Variants in IGSF23 observed in about 807,000 individuals in gnomAD.
IGSF23 encodes immunoglobulin superfamily member 23.
Under a neutral mutation model 17.8 loss-of-function variants are expected in IGSF23, and 14 were observed. The ratio of observed to expected loss-of-function variants is 0.79; its 90% CI spans 0.52 to 1.23. The LOEUF is 1.23. Ranked by LOEUF, IGSF23 falls within the 50% of genes most tolerant of loss-of-function variation. The pLI is 0.00. For missense variants in IGSF23, 214 were observed against 241.7 expected, an observed-to-expected ratio of 0.89 and a Z score of 0.76; for synonymous variants, 85 against 92.5, an observed-to-expected ratio of 0.92 and a Z score of 0.46.
chr19:44,634,369 T>C (rs1039609730), intron 3 of IGSF23, among the ~76,000 whole-genome samples: 41 of 152,260 alleles, frequency 2.7e-4, no homozygotes, highest in Non-Finnish European at 5.3e-4. Context: ...GACTTGCTGA[T>C]TATTTCTACA....
At chr19:44,617,941 A>G (rs940621914) in intron 1 of IGSF23, 16 of 363,760 alleles carry the variant, frequency 4.4e-5, no homozygotes, top group Non-Finnish European at 8.3e-5. Context: ...CAGAGAAGTC[A>G]GCCTTTCAGG....
At position 44,635,405 on chromosome 19, in the gene IGSF23, G is replaced by C. The variant is rs1393633827; in HGVS notation, c.550G>C (p.Asp184His). The change falls in exon 4 of 5, where the codon GAC (aspartate) becomes CAC (histidine). Residue 184 changes from aspartate to histidine, a missense_variant. Transcript: ENST00000402988. ...CFIIIQSLRT[D>H]RQRIGICS ...CTCTCTCTCTCTCCACTGCAGGACT[G>C]ACAGGCAGAGAATAGGAATATGCAG... 2 of 1,546,304 alleles carry C rather than the reference G, an allele frequency of 1.3e-6. No individual in the cohort carries two copies. Among genetic ancestry groups the C allele is most frequent in the Non-Finnish European group, 1.7e-6 (2 of 1,144,510 alleles).
intron 1 of IGSF23, among the ~76,000 whole-genome samples, chr19:44,616,548 T>C (rs1972380233): frequency 6.6e-6 from 1 of 151,622 alleles, no homozygotes; most frequent in South Asian, 2.1e-4. Context: ...TACAAAAAAA[T>C]TAGCTGGGCG....
intron 2 of IGSF23, among the ~76,000 whole-genome samples, chr19:44,624,287 CTTCT>C (rs1439627708): frequency 6.8e-6 from 1 of 147,270 alleles, no homozygotes; most frequent in African/African-American, 2.5e-5. Flanking sequence ...ACTTCTTCTT[CTTCT>C]TTTTTTTTTT....
intron 3 of IGSF23, among the ~76,000 whole-genome samples, chr19:44,629,707 C>A (rs1972727633): frequency 1.4e-5 from 2 of 143,646 alleles, no homozygotes; most frequent in African/African-American, 5.2e-5. Flanking sequence ...AATCTCGGCT[C>A]ACTGCAACCT....
At chr19:44,634,559 C>G (rs1023938032) in intron 3 of IGSF23, among the ~76,000 whole-genome samples, 12 of 152,166 alleles carry the variant, frequency 7.9e-5, no homozygotes, top group African/African-American at 2.9e-4. Context: ...GAACTGACAG[C>G]AGTCGCTCCA....
At chr19:44,623,129 G>A (rs1972557727) in intron 1 of IGSF23, among the ~76,000 whole-genome samples, 2 of 152,192 alleles carry the variant, frequency 1.3e-5, no homozygotes, top group Admixed American at 6.5e-5. Flanking sequence ...GAGCCTTAGA[G>A]TCCTAGATTT....
In IGSF23 at chr19:44,627,508, G is replaced by C; in HGVS notation, c.480G>C (p.Ala160=). The C allele has an allele frequency of 1.0e-5, 16 of 1,550,494 alleles. No individual in the cohort carries two copies. Among genetic ancestry groups the C allele is most frequent in the Non-Finnish European group, 1.4e-5 (16 of 1,146,958 alleles). Residue 160 remains alanine (A), a synonymous_variant, in exon 3 of 5, where the codon GCG becomes GCC. Coordinates refer to ENST00000402988, the MANE Select transcript of IGSF23 (RefSeq NM_001205280.2). The part of the protein sequence containing the change: ...LSGGSAIGLL[A]AGILGAGALI... ...GAGGCTCTGCCATCGGGCTCCTTGC[G>C]GCTGGGATCCTGGGAGCCGGGGCAC... is the stretch of plus-strand genomic sequence containing the variant.
intron 1 of IGSF23, among the ~76,000 whole-genome samples, chr19:44,622,518 G>A (rs1164288926): frequency 3.3e-5 from 5 of 152,074 alleles, no homozygotes; most frequent in Admixed American, 2.0e-4. Flanking sequence ...ATGCAGACAA[G>A]AAGTGGGGAC....
intron 1 of IGSF23, among the ~76,000 whole-genome samples, chr19:44,618,362 G>T (rs934126656): frequency 2.6e-5 from 4 of 152,096 alleles, no homozygotes; most frequent in African/African-American, 7.2e-5. Context: ...CTACACCGTC[G>T]TGCTGGAAAC....
At chr19:44,623,632 G>A in intron 1 of IGSF23, 75 bp from the exon 2 acceptor site, 1 of 1,358,624 alleles carries the variant, frequency 7.4e-7, no homozygotes. Context: ...ATGTCTCTAT[G>A]GTGGGCAGAA....
At chr19:44,627,653 A>G (rs1972683376) in intron 3 of IGSF23, 80 bp downstream of exon 3, 2 of 1,437,558 alleles carry the variant, frequency 1.4e-6, no homozygotes, top group Admixed American at 4.6e-5. Context: ...CAACAAGGAA[A>G]CAGAGATGAA....
intron 2 of IGSF23, among the ~76,000 whole-genome samples, chr19:44,625,574 T>C (rs897581066): frequency 6.6e-6 from 1 of 152,152 alleles, no homozygotes; most frequent in Non-Finnish European, 1.5e-5. Context: ...CCTATATACC[T>C]CTTCAGGGTT....
rs1880771017 is a variant in IGSF23, at chr19:44,623,797, G to A, written c.216G>A (p.Val72=). 6.4e-7 allele frequency: 1 copy of A among 1,550,842 alleles called. No individual in the cohort carries two copies. The highest frequency in any genetic ancestry group is 2.0e-5 in the Admixed American group (1 of 50,980). ...ELNYSVILQW[V]VTMDPEPVLS... is the part of the protein sequence containing the mutation. ...ACTATTCTGTGATCCTGCAGTGGGT[G>A]GTGACAATGGACCCTGAGCCTGTGC... The change falls in exon 2 of 5, where the codon GTG becomes GTA. Residue 72 remains valine, a synonymous_variant. Coordinates refer to ENST00000402988, the MANE Select transcript of IGSF23 (RefSeq NM_001205280.2).
At chr19:44,623,372 A>G (rs1568487134) in intron 1 of IGSF23, among the ~76,000 whole-genome samples, 1 of 152,222 alleles carries the variant, frequency 6.6e-6, no homozygotes, top group Non-Finnish European at 1.5e-5. Flanking sequence ...GGGAATTTAT[A>G]TACCAACGTG....
chr19:44,617,249 G>T (rs1298611268), intron 1 of IGSF23, among the ~76,000 whole-genome samples: 1 of 148,078 alleles, frequency 6.8e-6, no homozygotes, highest in East Asian at 2.0e-4. Context: ...TGCCTATCAG[G>T]AGTGAAAGGA....
At chr19:44,629,795 A>T (rs949353272) in intron 3 of IGSF23, among the ~76,000 whole-genome samples, 1 of 151,766 alleles carries the variant, frequency 6.6e-6, no homozygotes, top group Non-Finnish European at 1.5e-5. Flanking sequence ...CACCATGCCC[A>T]GCCAATTTTT....
chr19:44,625,828 C>G (rs1403105973), intron 2 of IGSF23, among the ~76,000 whole-genome samples: 2 of 152,046 alleles, frequency 1.3e-5, no homozygotes, highest in Non-Finnish European at 2.9e-5. Context: ...TCAAGTTTTT[C>G]CCATGCTGTT....
chr19:44,634,443 T>C (rs1972839820), intron 3 of IGSF23, among the ~76,000 whole-genome samples: 1 of 152,224 alleles, frequency 6.6e-6, no homozygotes, highest in Admixed American at 6.5e-5. Context: ...AAGGCTCAAA[T>C]GTAGCTATAA....
Sources: allele counts gnomAD v4.1 joint callset (sites outside exome capture counted in the v4.1 genomes callset), GRCh38; gene constraint gnomAD v4.1.1; transcripts MANE v1.5; gene names NCBI Gene and HGNC (gene_info 2026-07-23, HGNC 2026-07-21).